DLC1: variants seen among roughly 807,000 people sequenced by gnomAD.
DLC1 encodes rho GTPase-activating protein 7.
DLC1 carries 54 observed loss-of-function variants against 140.3 expected under a neutral mutation model. That is an observed-to-expected ratio of 0.38 (90% confidence interval 0.31 to 0.48). The LOEUF (loss-of-function observed/expected upper bound fraction) is 0.48. Ranked by LOEUF, DLC1 falls within the 20% of genes least tolerant of loss-of-function variation. The probability of loss-of-function intolerance (pLI) is 0.96; values close to 1 mark genes in which losing one functional copy is unlikely to be tolerated. For synonymous variants in DLC1, 986 were observed against 728.1 expected (o/e 1.35, Z -5.70); for missense variants, 2,536 against 1,907.0 (o/e 1.33, Z -6.14).
chr8:13,553,488 T>A (rs1267124475), intron 1 of DLC1, among the ~76,000 whole-genome samples: 1 of 151,690 alleles, frequency 6.6e-6, no homozygotes, highest in Non-Finnish European at 1.5e-5. Context: ...CAGCTATTTT[T>A]CCATTTTCTT....
Position 13,325,660 on chromosome 8 carries a change from C to T in DLC1, c.1315-20358G>A, listed in dbSNP as rs914321482. ...AACCTCTGAAAACATGTGGAAAATG[C>T]TATAACGATTTAGGAACTTACAGAA... On this transcript the variant is annotated intron_variant, in intron 4 of 17. Coordinates refer to ENST00000276297, the MANE Select transcript of DLC1 (RefSeq NM_182643.3). Among the ~76,000 whole-genome samples the T allele has an allele frequency of 1.2e-4, 18 of 152,096 alleles. 1 individual carries two copies. Among genetic ancestry groups the T allele is most frequent in the African/African-American group, 4.1e-4 (17 of 41,406 alleles).
Position 13,499,799 on chromosome 8 carries a change from A to T in DLC1, c.273T>A (p.His91Gln). ...LSKDVDENDS[H>Q]EGEDQFLSLE... ...GAGAAAGAAACTGATCTTCACCTTC[A>T]TGGCTGTCATTTTCGTCCACATCCT... The change falls in exon 2 of 18, where the codon CAT (histidine) becomes CAA (glutamine). Residue 91 changes from histidine to glutamine, a missense_variant. Transcript: ENST00000276297. 6.2e-7 allele frequency: 1 copy of T among 1,614,018 alleles called. No individual in the cohort carries two copies. The highest frequency in any genetic ancestry group is 8.5e-7 in the Non-Finnish European group (1 of 1,180,002).
intron 1 of DLC1, among the ~76,000 whole-genome samples, chr8:13,550,736 T>A (rs575100429): frequency 6.6e-6 from 1 of 152,198 alleles, no homozygotes; most frequent in South Asian, 2.1e-4. Flanking sequence ...AGAAGACCAG[T>A]TACTGCAGTT....
At chr8:13,382,529 A>AAAAAG (rs557423876) in intron 4 of DLC1, among the ~76,000 whole-genome samples, 1 of 109,432 alleles carries the variant, frequency 9.1e-6, no homozygotes, top group African/African-American at 3.6e-5. Context: ...AAAAAAAAAA[A>AAAAAG]AAAGAAAGAG....
chr8:13,115,171 C>T (rs774296327), intron 6 of DLC1, among the ~76,000 whole-genome samples: 1 of 152,000 alleles, frequency 6.6e-6, no homozygotes. Context: ...GCATAACAGG[C>T]CCATACAGTA....
intron 5 of DLC1, among the ~76,000 whole-genome samples, chr8:13,200,346 G>T (rs918422929): frequency 6.6e-6 from 1 of 152,066 alleles, no homozygotes; most frequent in African/African-American, 2.4e-5. Context: ...ACAGGCATGA[G>T]CCACTGCACC....
chr8:13,202,230 C>A (rs1299474353), intron 5 of DLC1, among the ~76,000 whole-genome samples: 1 of 151,986 alleles, frequency 6.6e-6, no homozygotes, highest in African/African-American at 2.4e-5. Context: ...AGGTGTGAGC[C>A]GCTGTGCCAG....
At chr8:13,366,163 C>T (rs1451727308) in intron 4 of DLC1, among the ~76,000 whole-genome samples, 1 of 152,210 alleles carries the variant, frequency 6.6e-6, no homozygotes, top group Non-Finnish European at 1.5e-5. Context: ...CACTGGGTTC[C>T]TCCTAGTCCT....
intron 2 of DLC1, among the ~76,000 whole-genome samples, chr8:13,435,437 C>T (rs949708304): frequency 6.6e-5 from 10 of 152,278 alleles, no homozygotes; most frequent in Non-Finnish European, 1.3e-4. Flanking sequence ...CCTCAGCCTC[C>T]CGAGTAGCTG....
chr8:13,515,841 G>C (rs749277457), upstream of DLC1, among the ~76,000 whole-genome samples: 11 of 152,166 alleles, frequency 7.2e-5, no homozygotes, highest in Non-Finnish European at 1.5e-4. Flanking sequence ...AATAATAGAT[G>C]TTAGCTCGTC....
intron 4 of DLC1, among the ~76,000 whole-genome samples, chr8:13,315,405 A>G (rs1236865034): frequency 2.6e-5 from 4 of 152,246 alleles, no homozygotes; most frequent in Non-Finnish European, 5.9e-5. Flanking sequence ...GTCTATAAAC[A>G]TTCTGCTCTT....
At chr8:13,236,157 T>A (rs146152109) in intron 5 of DLC1, among the ~76,000 whole-genome samples, 1 of 152,152 alleles carries the variant, frequency 6.6e-6, no homozygotes, top group Non-Finnish European at 1.5e-5. Flanking sequence ...TCTATTGTAG[T>A]TTTTTGGCAA....
intron 1 of DLC1, among the ~76,000 whole-genome samples, chr8:13,590,235 C>G (rs916899317): frequency 6.6e-6 from 1 of 151,970 alleles, no homozygotes; most frequent in Non-Finnish European, 1.5e-5. Context: ...ATCTTTCCAA[C>G]ATTCTGGTGA....
intron 5 of DLC1, among the ~76,000 whole-genome samples, chr8:13,197,777 C>T (rs1827155781): frequency 6.6e-6 from 1 of 151,942 alleles, no homozygotes; most frequent in South Asian, 2.1e-4. Context: ...GTGTTGGGAA[C>T]TATAAAAATT....
At chr8:13,259,773 C>T (rs1335194089) in intron 5 of DLC1, among the ~76,000 whole-genome samples, 1 of 150,668 alleles carries the variant, frequency 6.6e-6, no homozygotes, top group Non-Finnish European at 1.5e-5. Context: ...CATACCAGCA[C>T]TATATACAAG....
intron 4 of DLC1, among the ~76,000 whole-genome samples, chr8:13,351,632 A>G (rs1834668066): frequency 6.6e-6 from 1 of 152,214 alleles, no homozygotes; most frequent in South Asian, 2.1e-4. Flanking sequence ...TTGTTTATGT[A>G]TTGTTTATGT....
intron 2 of DLC1, among the ~76,000 whole-genome samples, chr8:13,463,185 C>G (rs1436823199): frequency 6.6e-6 from 1 of 151,798 alleles, no homozygotes; most frequent in Admixed American, 6.6e-5. Context: ...ACAGACTTAC[C>G]TATCATAGTA....
At chr8:13,581,631 G>A (rs1805103186) in intron 1 of DLC1, among the ~76,000 whole-genome samples, 1 of 152,126 alleles carries the variant, frequency 6.6e-6, no homozygotes, top group Admixed American at 6.5e-5. Context: ...TGTCTAACTG[G>A]TTTTCCTGCT....
rs1217234965 is a variant in DLC1, at chr8:13,499,885, C to T, written c.187G>A (p.Asp63Asn). The change falls in exon 2 of 18, where the codon GAC becomes AAC. Residue 63 changes from aspartate to asparagine, a missense_variant. By Grantham distance (23) the Asp-to-Asn change is conservative. Transcript: ENST00000276297. ...DRKEKCVSLP[D>N]CCHGSELRDF... is the part of the protein sequence containing the mutation. ...CTCAGCTCTGATCCATGACAGCAGT[C>T]AGGTAGTGAAACACACTTCTCTTTG... 2 of 1,613,966 alleles carry T rather than the reference C, an allele frequency of 1.2e-6. No homozygotes were observed. Among genetic ancestry groups the T allele is most frequent in the African/African-American group, 1.3e-5 (1 of 74,920 alleles).
Sources: gnomAD v4.1 joint callset for allele counts (sites outside exome capture counted in the v4.1 genomes callset) on GRCh38, gnomAD v4.1.1 for gene constraint, MANE v1.5 for transcripts, NCBI Gene and HGNC (gene_info 2026-07-23, HGNC 2026-07-21) for gene names.